UGGT2: variants seen among roughly 807,000 people sequenced by gnomAD.
UGGT2 encodes the protein UDP-glucose:glycoprotein glucosyltransferase 2.
A neutral mutation model predicts 192.1 loss-of-function variants in UGGT2; 180 were observed. The ratio of observed to expected loss-of-function variants is 0.94; its 90% CI spans 0.83 to 1.06. The LOEUF is 1.06. UGGT2 is among the 50% of genes least tolerant of loss of function. UGGT2 has a pLI of 0.00. For synonymous variants in UGGT2, 580 were observed against 591.0 expected, an observed-to-expected ratio of 0.98 and a Z score of 0.27; for missense variants, 1,849 against 1,795.7, an observed-to-expected ratio of 1.03 and a Z score of -0.54.
Position 95,927,345 on chromosome 13 carries a change from AC to A in UGGT2, c.1978-10del, listed in dbSNP as rs745758853. ...CGATCATTTAATGTGCCCTAAAAAA[AC>A]AAAAATGTTATTTAGATAATACAGG... is the stretch of plus-strand genomic sequence containing the variant. On this transcript the variant is annotated splice_polypyrimidine_tract_variant and intron_variant, in intron 17 of 38. Transcript: ENST00000376747. 4.4e-6 allele frequency: 7 copies of A among 1,592,482 alleles called. No individual in the cohort carries two copies. The South Asian group carries it at 5.8e-5, about 13-fold the overall frequency.
chr13:95,989,704 G>T (rs182513870), intron 8 of UGGT2: 1 of 258,866 alleles, frequency 3.9e-6, no homozygotes, highest in South Asian at 5.7e-5. Context: ...TTTAATACTT[G>T]AGACTAACCT....
At position 95,887,915 on chromosome 13, in the gene UGGT2, C is replaced by G; in HGVS notation, c.3015G>C (p.Arg1005Ser). 1.2e-6 allele frequency: 2 copies of G among 1,602,540 alleles called. No individual in the cohort carries two copies. The highest frequency in any genetic ancestry group is 8.5e-7 in the Non-Finnish European group (1 of 1,174,158). ...KIKLFMNCRGRLSEAPLESFY... is the reference protein window; with the variant it reads ...KIKLFMNCRGSLSEAPLESFY... ...ACCTTTCTAAAGGGGCTTCTGAAAG[C>G]CTGCCCCTACAGTTCATGAACAACT... Residue 1005 changes from arginine (R) to serine (S), a missense_variant, in exon 26 of 39, where the codon AGG becomes AGC. Coordinates refer to ENST00000376747, the MANE Select transcript of UGGT2 (RefSeq NM_020121.4).
In UGGT2 at chr13:95,949,448, T is replaced by TA; in HGVS notation, c.1341dup (p.Asn448Ter). 6.7e-7 allele frequency: 1 copy of TA among 1,498,422 alleles called. No individual in the cohort carries two copies. The highest frequency in any genetic ancestry group is 1.5e-5 in the South Asian group (1 of 68,896). The allele number at this position is 1,498,422 out of a possible 1,614,324, so 92.8% of individuals were successfully genotyped here. On this transcript the variant is annotated frameshift_variant, in exon 13 of 39. Transcript: ENST00000376747. LOFTEE classifies it high-confidence loss of function. Reference sequence around the variant, plus strand: ...TACAAATCATCATTTTCTAAGTCATTAATCCACTAGAAAAGAACGCAGACA... The same window carrying TA: ...TACAAATCATCATTTTCTAAGTCATTAAATCCACTAGAAAAGAACGCAGACA...
chr13:96,053,014 G>C (rs914040554), intron 1 of UGGT2, 141 bp downstream of exon 1: 3 of 1,177,080 alleles, frequency 2.5e-6, no homozygotes, highest in Non-Finnish European at 3.4e-6. Context: ...GAAGGAAGGA[G>C]GTGGTGATGC....
In UGGT2 at chr13:95,999,234, G is replaced by A. The variant is rs1414631735; in HGVS notation, c.734C>T (p.Ala245Val). Reference protein sequence around the residue: ...ELAIKSTEYKALDDTQVKTVT... With the variant: ...ELAIKSTEYKVLDDTQVKTVT... ...ACTTTTAACTTGGGTATCATCCAGT[G>A]CTTTGTATTCTGTACTCTTAATTGC... is the stretch of plus-strand genomic sequence containing the variant. The change falls in exon 6 of 39, where the codon GCA (alanine) becomes GTA (valine). Residue 245 changes from alanine (A) to valine (V), a missense_variant. Ala to Val is a moderately conservative substitution (Grantham distance 64). Coordinates refer to ENST00000376747, the MANE Select transcript of UGGT2 (RefSeq NM_020121.4). 3.1e-6 allele frequency: 5 copies of A among 1,613,330 alleles called. No homozygotes were observed. The highest frequency in any genetic ancestry group is 4.2e-6 in the Non-Finnish European group (5 of 1,179,632).
intron 38 of UGGT2, among the ~76,000 whole-genome samples, chr13:95,824,928 T>A (rs1347096619): frequency 6.6e-6 from 1 of 152,154 alleles, no homozygotes; most frequent in East Asian, 1.9e-4. Flanking sequence ...TCTTTATTTT[T>A]TATTTGACAG....
At chr13:95,980,111 T>C (rs1165497357) in intron 10 of UGGT2, among the ~76,000 whole-genome samples, 1 of 152,182 alleles carries the variant, frequency 6.6e-6, no homozygotes, top group Non-Finnish European at 1.5e-5. Context: ...GATCTACCAT[T>C]TGATCTAGCA....
chr13:95,913,400 C>T (rs1438655902), intron 20 of UGGT2, among the ~76,000 whole-genome samples: 1 of 152,066 alleles, frequency 6.6e-6, no homozygotes, highest in Non-Finnish European at 1.5e-5. Context: ...AAGAAAAAAA[C>T]AAACAACCCC....
intron 20 of UGGT2, among the ~76,000 whole-genome samples, chr13:95,924,850 G>A (rs2048970504): frequency 6.6e-6 from 1 of 152,178 alleles, no homozygotes; most frequent in South Asian, 2.1e-4. Context: ...AGTCATCTTA[G>A]AAGCTTGTCC....
At chr13:95,845,202 T>C (rs1888271411) in intron 36 of UGGT2, among the ~76,000 whole-genome samples, 1 of 151,936 alleles carries the variant, frequency 6.6e-6, no homozygotes, top group Non-Finnish European at 1.5e-5. Flanking sequence ...TATTTATTGA[T>C]CATTCTTGGG....
intron 36 of UGGT2, among the ~76,000 whole-genome samples, chr13:95,852,417 T>C (rs1473509174): frequency 6.6e-6 from 1 of 152,190 alleles, no homozygotes; most frequent in Non-Finnish European, 1.5e-5. Context: ...GCCACCCAAT[T>C]TATACCTGCA....
intron 29 of UGGT2, among the ~76,000 whole-genome samples, chr13:95,867,742 C>T (rs1005749471): frequency 6.6e-6 from 1 of 152,152 alleles, no homozygotes; most frequent in African/African-American, 2.4e-5. Context: ...CAACTAAAAT[C>T]TTTCACATCC....
chr13:96,023,244 ATCAAC>A, intron 3 of UGGT2, 92 bp from the exon 4 acceptor site: 1 of 1,000,966 alleles, frequency 1.0e-6, no homozygotes, highest in Admixed American at 3.1e-5. Context: ...AAAATAACTC[ATCAAC>A]TACTATTAAG....
At chr13:96,044,956 G>A (rs756639473) in intron 1 of UGGT2, among the ~76,000 whole-genome samples, 8 of 151,956 alleles carry the variant, frequency 5.3e-5, no homozygotes, top group African/African-American at 9.7e-5. Flanking sequence ...ACTATTCCAC[G>A]AGACAGAAAG....
intron 21 of UGGT2, 32 bp from the exon 22 acceptor site, chr13:95,900,970 T>C: frequency 6.9e-7 from 1 of 1,455,888 alleles, no homozygotes; most frequent in Non-Finnish European, 9.1e-7. Context: ...ATGAAACTAA[T>C]ATGAGAACAG....
intron 26 of UGGT2, chr13:95,887,355 T>TG (rs759042839): frequency 2.0e-6 from 1 of 503,818 alleles, no homozygotes; most frequent in South Asian, 1.5e-5. Flanking sequence ...ACAGTGATTC[T>TG]GATCCACAAA....
chr13:95,937,946 G>C (rs2049521400), intron 16 of UGGT2, among the ~76,000 whole-genome samples: 1 of 152,198 alleles, frequency 6.6e-6, no homozygotes, highest in Non-Finnish European at 1.5e-5. Flanking sequence ...GGGGGACCCA[G>C]TGGGAGGTAA....
chr13:95,876,571 C>G (rs1474183863), intron 29 of UGGT2, among the ~76,000 whole-genome samples: 1 of 152,114 alleles, frequency 6.6e-6, no homozygotes, highest in African/African-American at 2.4e-5. Context: ...TTTTGGGGTC[C>G]AAGGCAAAGT....
Position 96,023,653 on chromosome 13 carries a change from G to C in UGGT2, c.348C>G (p.Ser116=), listed in dbSNP as rs553379349. 51 of 1,609,988 alleles carry C rather than the reference G, an allele frequency of 3.2e-5. 2 individuals carry two copies. In the Middle Eastern group the frequency reaches 6.6e-4, roughly 21 times the overall value. The change falls in exon 3 of 39, where the codon TCC becomes TCG. Residue 116 remains serine (S), a synonymous_variant. Coordinates refer to ENST00000376747, the MANE Select transcript of UGGT2 (RefSeq NM_020121.4). ...LKFAFSIRAY[S]PAIQMFQQIA... is the part of the protein sequence containing the mutation. ...CCTGCTGAAACATCTGAATAGCTGG[G>C]GAGTATGCCCTTATAGAGAAAGCAA...
Sources: allele counts gnomAD v4.1 joint callset (sites outside exome capture counted in the v4.1 genomes callset), GRCh38; gene constraint gnomAD v4.1.1; transcripts MANE v1.5; gene names NCBI Gene and HGNC (gene_info 2026-07-23, HGNC 2026-07-21).